Variants in LIPI observed in about 807,000 individuals in gnomAD.
LIPI encodes the protein lipase member I.
A neutral mutation model predicts 50.6 loss-of-function variants in LIPI; 59 were observed. That is an observed-to-expected ratio of 1.16 (90% CI 0.94 to 1.45). The LOEUF (loss-of-function observed/expected upper bound fraction) is 1.45, where lower values mean the gene tolerates loss of function less well. Among genes scored for constraint, LIPI ranks in the 40% most tolerant of loss-of-function variants. The probability of loss-of-function intolerance (pLI) is 0.00; values close to 1 mark genes in which losing one functional copy is unlikely to be tolerated. For missense variants in LIPI, 586 were observed against 536.3 expected (o/e 1.09, Z -0.92); for synonymous variants, 203 against 178.2 (o/e 1.14, Z -1.11).
intron 4 of LIPI, among the ~76,000 whole-genome samples, chr21:14,167,945 G>A (rs997218228): frequency 7.9e-5 from 12 of 152,254 alleles, no homozygotes; most frequent in African/African-American, 1.2e-4. Flanking sequence ...CAAACCAAAC[G>A]CAAAGAAGTT....
intron 9 of LIPI, among the ~76,000 whole-genome samples, chr21:14,130,942 TTTG>T (rs1266485238): frequency 2.0e-5 from 3 of 152,158 alleles, no homozygotes; most frequent in Non-Finnish European, 4.4e-5. Flanking sequence ...TACTAACTTT[TTTG>T]TTGTTGTTGT....
At chr21:14,166,860 C>T (rs1981365) in intron 4 of LIPI, among the ~76,000 whole-genome samples, 74,774 of 151,996 alleles carry the variant, frequency 0.49, 18,836 homozygotes, top group East Asian at 0.64. Context: ...AGACAGTGGG[C>T]GGAGGAAAGT....
chr21:14,113,927 C>T lies in LIPI; in HGVS notation c.1296-4847G>A, dbSNP rs189008804. On this transcript the variant is annotated intron_variant, in intron 9 of 9. Transcript: ENST00000681601. The stretch of plus-strand genomic sequence containing the variant: ...TCTTGGCCGGGCTCAGTGGCTCACA[C>T]CTGTAATCCCAACACCTTGGGAGGC... Among the ~76,000 whole-genome samples the T allele has an allele frequency of 4.9e-3, 752 of 152,234 alleles. 5 individuals are homozygous for T. The highest frequency in any genetic ancestry group is 7.4e-3 in the Non-Finnish European group (502 of 68,008).
intron 9 of LIPI, among the ~76,000 whole-genome samples, chr21:14,118,467 C>A (rs149581338): frequency 7.2e-5 from 11 of 152,180 alleles, no homozygotes; most frequent in African/African-American, 2.4e-4. Context: ...CTTATATTTG[C>A]CAAACTGCCC....
intron 7 of LIPI, 99 bp from the exon 8 acceptor site, chr21:14,152,783 T>G: frequency 1.6e-6 from 1 of 626,116 alleles, no homozygotes; most frequent in East Asian, 2.9e-5. Flanking sequence ...TAGATAGATA[T>G]GTAATCTAGG....
rs1468690507 is a variant in LIPI at position 14,125,821 on chromosome 21, C to A, written c.1296-16741G>T. On this transcript the variant is annotated intron_variant, in intron 9 of 9. Coordinates refer to ENST00000681601, the MANE Select transcript of LIPI (RefSeq NM_001302998.2). Reference sequence around the variant, plus strand: ...CCGCCCGCCTCCGCCTCCCAAAGTGCTGGGTTAACAGATGTGAGCCACCGC... The same window carrying A: ...CCGCCCGCCTCCGCCTCCCAAAGTGATGGGTTAACAGATGTGAGCCACCGC... Among the ~76,000 whole-genome samples, 5 of 152,136 alleles carry A rather than the reference C, an allele frequency of 3.3e-5. No individual in the cohort carries two copies. The East Asian group carries it at 9.6e-4, about 29-fold the overall frequency.
chr21:14,146,663 C>T (rs1424611457), intron 8 of LIPI, among the ~76,000 whole-genome samples: 2 of 151,940 alleles, frequency 1.3e-5, no homozygotes, highest in Non-Finnish European at 2.9e-5. Context: ...TTTTCATGTG[C>T]CCAGTGAATA....
At chr21:14,117,245 G>A (rs2016682160) in intron 9 of LIPI, among the ~76,000 whole-genome samples, 1 of 152,118 alleles carries the variant, frequency 6.6e-6, no homozygotes. Flanking sequence ...ACTGTAAACA[G>A]CATACTCCCT....
At position 14,126,767 on chromosome 21, in the gene LIPI, A is replaced by C. The variant is rs551208006; in HGVS notation, c.1296-17687T>G. Among the ~76,000 whole-genome samples the C allele has an allele frequency of 1.2e-4, 19 of 152,288 alleles. 2 individuals carry two copies. The highest frequency in any genetic ancestry group is 1.2e-3 in the South Asian group (6 of 4,830). ...TTGTATACACAGGGTTCCTGAAACC[A>C]ATCTGCCACAGATACTGAGGAGCAA... On this transcript the variant is annotated intron_variant, in intron 9 of 9. Transcript: ENST00000681601.
At chr21:14,188,322 C>G (rs375137) in intron 2 of LIPI, among the ~76,000 whole-genome samples, 20,976 of 152,070 alleles carry the variant, frequency 0.14, 1,911 homozygotes, top group Non-Finnish European at 0.2. Context: ...AATCCCAGCA[C>G]TTTGGGAGGC....
At chr21:14,183,815 G>T (rs2019358386) in intron 3 of LIPI, among the ~76,000 whole-genome samples, 1 of 152,178 alleles carries the variant, frequency 6.6e-6, no homozygotes, top group Admixed American at 6.5e-5. Context: ...TCATTAAAAA[G>T]TCAGGAAACA....
intron 7 of LIPI, among the ~76,000 whole-genome samples, chr21:14,160,783 T>C (rs909732005): frequency 1.3e-5 from 2 of 151,156 alleles, no homozygotes; most frequent in Admixed American, 6.6e-5. Flanking sequence ...TAAAGAATTA[T>C]CAAAAGTCAA....
rs537266345 is a variant in LIPI at position 14,126,225 on chromosome 21, T to C, written c.1296-17145A>G. Among the ~76,000 whole-genome samples the C allele has an allele frequency of 3.9e-4, 60 of 152,326 alleles. 1 individual carries two copies. Among genetic ancestry groups the C allele is most frequent in the African/African-American group, 1.1e-3 (45 of 41,572 alleles). On this transcript the variant is annotated intron_variant, in intron 9 of 9. Coordinates refer to ENST00000681601, the MANE Select transcript of LIPI (RefSeq NM_001302998.2). ...TCTATCCAAGACAAATGAAAACTTA[T>C]GTTTACTTAAACACCTACATGTCCA...
intron 4 of LIPI, among the ~76,000 whole-genome samples, chr21:14,174,795 C>T (rs957061141): frequency 7.2e-5 from 11 of 152,048 alleles, no homozygotes; most frequent in South Asian, 2.1e-4. Context: ...CCTCGTGATC[C>T]CCCGCCTCGG....
At chr21:14,171,797 T>C (rs1426433789) in intron 4 of LIPI, among the ~76,000 whole-genome samples, 2 of 151,658 alleles carry the variant, frequency 1.3e-5, no homozygotes, top group Non-Finnish European at 2.9e-5. Flanking sequence ...ATTCAGGACA[T>C]AGGCATGGGC....
chr21:14,126,283 A>T (rs1488649652), intron 9 of LIPI, among the ~76,000 whole-genome samples: 1 of 152,246 alleles, frequency 6.6e-6, no homozygotes, highest in Non-Finnish European at 1.5e-5. Flanking sequence ...AAACATCAAA[A>T]ACTGCAAGCA....
intron 9 of LIPI, among the ~76,000 whole-genome samples, chr21:14,115,692 A>C (rs559216531): frequency 4.6e-5 from 7 of 152,216 alleles, no homozygotes; most frequent in African/African-American, 1.4e-4. Flanking sequence ...TTCCCTTGAC[A>C]GTGCAAACGG....
intron 9 of LIPI, among the ~76,000 whole-genome samples, chr21:14,120,731 A>C (rs2016829878): frequency 6.6e-6 from 1 of 152,244 alleles, no homozygotes; most frequent in African/African-American, 2.4e-5. Flanking sequence ...GGTGTTATCA[A>C]AAAGGAGGCT....
At chr21:14,129,343 A>G (rs1181031223) in intron 9 of LIPI, among the ~76,000 whole-genome samples, 1 of 152,114 alleles carries the variant, frequency 6.6e-6, no homozygotes, top group Admixed American at 6.5e-5. Flanking sequence ...GAATTATTGA[A>G]TGCATTTATA....
Sources: allele counts gnomAD v4.1 joint callset (sites outside exome capture counted in the v4.1 genomes callset), GRCh38; gene constraint gnomAD v4.1.1; transcripts MANE v1.5; gene names NCBI Gene and HGNC (gene_info 2026-07-23, HGNC 2026-07-21).